Variants in NPAS3 observed in about 807,000 individuals in gnomAD.
NPAS3 encodes the protein neuronal PAS domain protein 3.
NPAS3 carries 14 observed loss-of-function variants against 73.1 expected under a neutral mutation model. That is an observed-to-expected ratio of 0.19 (90% CI 0.13 to 0.30). The LOEUF (loss-of-function observed/expected upper bound fraction) is 0.30. Among genes scored for constraint, NPAS3 ranks in the 10% least tolerant of loss-of-function variants. The probability of loss-of-function intolerance (pLI) is 1.00; values close to 1 mark genes in which losing one functional copy is unlikely to be tolerated. For missense variants in NPAS3, 1,096 were observed against 1,250.0 expected (o/e 0.88, Z 1.86); for synonymous variants, 620 against 541.5 (o/e 1.14, Z -2.01).
chr14:33,200,855 C>A (rs910843942), intron 2 of NPAS3, among the ~76,000 whole-genome samples: 1 of 152,176 alleles, frequency 6.6e-6, no homozygotes, highest in Non-Finnish European at 1.5e-5. Flanking sequence ...GCAGTGAGAT[C>A]CAGTTTCCAC....
intron 1 of NPAS3, among the ~76,000 whole-genome samples, chr14:33,007,901 A>G (rs781097416): frequency 6.6e-6 from 1 of 152,216 alleles, no homozygotes; most frequent in Non-Finnish European, 1.5e-5. Flanking sequence ...GCAATGAGTG[A>G]GATTAGCCTG....
intron 2 of NPAS3, among the ~76,000 whole-genome samples, chr14:33,069,369 A>G (rs936702826): frequency 2.0e-5 from 3 of 152,212 alleles, no homozygotes; most frequent in Admixed American, 6.5e-5. Context: ...TAACATTGCA[A>G]GTTCCTTAGA....
intron 6 of NPAS3, among the ~76,000 whole-genome samples, chr14:33,679,006 A>ACC (rs1595422052): frequency 1.3e-5 from 2 of 152,156 alleles, no homozygotes; most frequent in African/African-American, 2.4e-5. Context: ...CTTTAAAGGT[A>ACC]CTCTATCAAT....
At chr14:33,709,938 A>G (rs546374000) in intron 6 of NPAS3, among the ~76,000 whole-genome samples, 1 of 152,282 alleles carries the variant, frequency 6.6e-6, no homozygotes, top group South Asian at 2.1e-4. Flanking sequence ...CAGCCTGGAG[A>G]GCACTGAAGG....
intron 6 of NPAS3, among the ~76,000 whole-genome samples, chr14:33,716,870 T>G (rs2060971795): frequency 6.6e-6 from 1 of 152,186 alleles, no homozygotes; most frequent in Non-Finnish European, 1.5e-5. Flanking sequence ...TGCCATCAAC[T>G]GTGTAGCATT....
chr14:33,316,693 A>G (rs1412549087), intron 3 of NPAS3, among the ~76,000 whole-genome samples: 1 of 152,078 alleles, frequency 6.6e-6, no homozygotes, highest in Non-Finnish European at 1.5e-5. Context: ...ACTAGAAAAA[A>G]GTTGCAGGCC....
intron 2 of NPAS3, among the ~76,000 whole-genome samples, chr14:33,206,379 C>T (rs1156387563): frequency 1.3e-5 from 2 of 152,120 alleles, no homozygotes; most frequent in Non-Finnish European, 2.9e-5. Context: ...CCAGGAATGT[C>T]CTGCTTTTAG....
chr14:33,482,020 C>T (rs751465816), intron 4 of NPAS3, among the ~76,000 whole-genome samples: 35 of 147,606 alleles, frequency 2.4e-4, no homozygotes, highest in Non-Finnish European at 4.9e-4. Flanking sequence ...CTTTTGAAAA[C>T]AGGCAGTGGA....
intron 5 of NPAS3, chr14:33,578,215 C>A (rs181811242): frequency 2.2e-6 from 1 of 455,636 alleles, no homozygotes; most frequent in Non-Finnish European, 4.4e-6. Flanking sequence ...CTCTTTGAGA[C>A]GGAGTTTTAC....
At chr14:33,057,138 G>A (rs941458749) in intron 2 of NPAS3, among the ~76,000 whole-genome samples, 2 of 152,170 alleles carry the variant, frequency 1.3e-5, no homozygotes, top group Non-Finnish European at 2.9e-5. Flanking sequence ...GATACTGGAT[G>A]GAGCTGGGAC....
chr14:33,675,153 C>T (rs1451219080), intron 5 of NPAS3, among the ~76,000 whole-genome samples: 1 of 152,028 alleles, frequency 6.6e-6, no homozygotes, highest in Non-Finnish European at 1.5e-5. Context: ...TCCGGAGGAC[C>T]GGGAAACCCA....
intron 3 of NPAS3, among the ~76,000 whole-genome samples, chr14:33,238,022 T>G (rs1594475068): frequency 1.3e-5 from 2 of 151,954 alleles, no homozygotes. Context: ...CAAAAAGAAT[T>G]ATTTAAAAAA....
chr14:33,123,861 CTTTTTT>C (rs35332896), intron 2 of NPAS3, among the ~76,000 whole-genome samples: 2 of 81,168 alleles, frequency 2.5e-5, no homozygotes, highest in African/African-American at 3.4e-5. Flanking sequence ...TTCTTTCTTT[CTTTTTT>C]TTTTTTTTTT....
chr14:33,140,085 C>T (rs184869799), intron 2 of NPAS3, among the ~76,000 whole-genome samples: 8 of 152,090 alleles, frequency 5.3e-5, no homozygotes, highest in African/African-American at 1.4e-4. Flanking sequence ...AAACATTTTT[C>T]GGTAGGCCTA....
rs1003897843 is a variant in NPAS3, at chr14:33,464,277, T to C, written c.469-95844T>C. Among the ~76,000 whole-genome samples, 14 of 152,316 alleles carry C rather than the reference T, an allele frequency of 9.2e-5. No individual in the cohort carries two copies. The South Asian group carries it at 1.7e-3, about 18-fold the overall frequency. On this transcript the variant is annotated intron_variant, in intron 4 of 11. Coordinates refer to ENST00000356141, the Ensembl canonical transcript of NPAS3. ...GTGGGACTCTCTAGTGAAGCTAGCATGTGTATGAAAGGTTCATTATTATTG... is the reference window on the plus strand; with the variant it reads ...GTGGGACTCTCTAGTGAAGCTAGCACGTGTATGAAAGGTTCATTATTATTG...
intron 3 of NPAS3, among the ~76,000 whole-genome samples, chr14:33,357,981 C>A (rs984036423): frequency 6.6e-6 from 1 of 152,172 alleles, no homozygotes; most frequent in Non-Finnish European, 1.5e-5. Context: ...TCCAGAACCC[C>A]AATCCTTTAG....
chr14:33,097,150 G>C (rs1008248142), intron 2 of NPAS3, among the ~76,000 whole-genome samples: 1 of 152,090 alleles, frequency 6.6e-6, no homozygotes, highest in Non-Finnish European at 1.5e-5. Flanking sequence ...GGCCAATGCA[G>C]GAGGATCGCC....
intron 1 of NPAS3, among the ~76,000 whole-genome samples, chr14:33,006,723 A>G (rs1441290280): frequency 6.6e-6 from 1 of 152,198 alleles, no homozygotes; most frequent in Non-Finnish European, 1.5e-5. Flanking sequence ...ATTGCTTTAT[A>G]TAACTGTTGG....
At chr14:33,654,238 T>C (rs745456285) in intron 5 of NPAS3, among the ~76,000 whole-genome samples, 2 of 152,046 alleles carry the variant, frequency 1.3e-5, no homozygotes, top group South Asian at 2.1e-4. Flanking sequence ...ATCAATCAAT[T>C]AATCTCAGTT....
Sources: gnomAD v4.1 joint callset for allele counts (sites outside exome capture counted in the v4.1 genomes callset) on GRCh38, gnomAD v4.1.1 for gene constraint, MANE v1.5 for transcripts, NCBI Gene and HGNC (gene_info 2026-07-23, HGNC 2026-07-21) for gene names.